Variants in ZNF777 observed in about 807,000 individuals in gnomAD.
ZNF777 encodes the protein zinc finger protein 777.
A neutral mutation model predicts 72.1 loss-of-function variants in ZNF777; 7 were observed. That is an observed-to-expected ratio of 0.10 (90% CI 0.06 to 0.18). ZNF777 has a LOEUF of 0.18. ZNF777 is among the 10% of genes least tolerant of loss of function. The pLI, the probability that ZNF777 is intolerant of heterozygous loss-of-function variation, is 1.00. For synonymous variants in ZNF777, 545 were observed against 483.5 expected (o/e 1.13, Z -1.67); for missense variants, 828 against 1,128.6 (o/e 0.73, Z 3.82).
intron 4 of ZNF777, among the ~76,000 whole-genome samples, chr7:149,446,006 C>T (rs1799594454): frequency 6.6e-6 from 1 of 152,202 alleles, no homozygotes; most frequent in East Asian, 1.9e-4. Flanking sequence ...TTCAGCTCAC[C>T]ACATCTATCC....
intron 5 of ZNF777, among the ~76,000 whole-genome samples, chr7:149,435,791 G>A (rs1378313349): frequency 6.6e-6 from 1 of 152,008 alleles, no homozygotes; most frequent in Non-Finnish European, 1.5e-5. Context: ...AGCAAAAGCT[G>A]CCCAGTTCAT....
chr7:149,456,453 G>A (rs1486304380), intron 1 of ZNF777, among the ~76,000 whole-genome samples: 2 of 152,142 alleles, frequency 1.3e-5, no homozygotes, highest in Non-Finnish European at 2.9e-5. Flanking sequence ...TCCATAAAAC[G>A]AGGATAATAA....
rs773934476 is a variant in ZNF777 at position 149,432,492 on chromosome 7, G to A, written c.1780C>T (p.Arg594Cys). Reference sequence around the variant, plus strand: ...CAGCCTCCGCGCACGCGGTGGATGCGCTGGTGCAGCGTGAGCTGTTGCTTG... The same window carrying A: ...CAGCCTCCGCGCACGCGGTGGATGCACTGGTGCAGCGTGAGCTGTTGCTTG... ...RHKQQLTLHQRIHRVRGGCVS... is the reference protein window; with the variant it reads ...RHKQQLTLHQCIHRVRGGCVS... The change falls in exon 6 of 6, where the codon CGC becomes TGC. Residue 594 changes from arginine to cysteine, a missense_variant. Around this residue, in one of 12 missense-constraint regions of ZNF777, gnomAD observed 100 missense variants for 106.2 expected, o/e 0.94. Coordinates refer to ENST00000247930, the MANE Select transcript of ZNF777 (RefSeq NM_015694.3). 2.5e-6 allele frequency: 4 copies of A among 1,613,700 alleles called. No homozygotes were observed. Among genetic ancestry groups the A allele is most frequent in the East Asian group, 2.2e-5 (1 of 44,870 alleles).
chr7:149,452,642 A>AT (rs991440403), intron 3 of ZNF777, among the ~76,000 whole-genome samples: 17 of 151,962 alleles, frequency 1.1e-4, no homozygotes, highest in African/African-American at 3.9e-4. Flanking sequence ...CAAAAAAAAA[A>AT]AAAAAAAGTA....
intron 1 of ZNF777, among the ~76,000 whole-genome samples, chr7:149,458,804 G>T (rs1230760147): frequency 6.6e-6 from 1 of 152,198 alleles, no homozygotes; most frequent in Admixed American, 6.5e-5. Flanking sequence ...CCAAAGAGAG[G>T]GAGGGAGCTG....
Position 149,455,113 on chromosome 7 carries a change from C to T in ZNF777, c.846+64G>A. The T allele has an allele frequency of 6.5e-7, 1 of 1,530,390 alleles. No homozygotes were observed. The highest frequency in any genetic ancestry group is 8.8e-7 in the Non-Finnish European group (1 of 1,141,092). The allele number at this position is 1,530,390 out of a possible 1,614,324, so 94.8% of individuals were successfully genotyped here. On this transcript the variant is annotated intron_variant, in intron 2 of 5. Coordinates refer to ENST00000247930, the MANE Select transcript of ZNF777 (RefSeq NM_015694.3). This position sits in a 1 kb window ranked among gnomAD's most constrained non-coding sequence, Gnocchi z 4.2. ...CACCCCTTTCTTTCATATTACACTA[C>T]ATTCCTAAACCACACTCCAATTCAG...
chr7:149,457,581 TTTTTC>T (rs1799858191), intron 1 of ZNF777, among the ~76,000 whole-genome samples: 1 of 152,204 alleles, frequency 6.6e-6, no homozygotes, highest in Admixed American at 6.5e-5. Flanking sequence ...TTCTACAGCT[TTTTTC>T]TTTTATTGGT....
chr7:149,442,141 C>T (rs529301682), intron 4 of ZNF777, among the ~76,000 whole-genome samples: 25 of 148,820 alleles, frequency 1.7e-4, no homozygotes, highest in African/African-American at 5.5e-4. Context: ...CGCTTGAACC[C>T]GGGAGGCGGA....
chr7:149,454,182 T>A lies in ZNF777; in HGVS notation c.902A>T (p.Asn301Ile). 1 of 1,613,994 alleles carries A rather than the reference T, an allele frequency of 6.2e-7. No individual in the cohort carries two copies. Among genetic ancestry groups the A allele is most frequent in the Non-Finnish European group, 8.5e-7 (1 of 1,179,982 alleles). ...GAGCTCCTTCTGCCACTCAGACAGGTTTCCCCACTCCTGCTCCGAGAAGTG... is the reference window on the plus strand; with the variant it reads ...GAGCTCCTTCTGCCACTCAGACAGGATTCCCCACTCCTGCTCCGAGAAGTG... ...AVHFSEQEWG[N>I]LSEWQKELYK... Residue 301 changes from asparagine (N) to isoleucine (I), a missense_variant, in exon 3 of 6, where the codon AAC becomes ATC. Around this residue, in one of 12 missense-constraint regions of ZNF777, gnomAD observed 73 missense variants for 90.6 expected, o/e 0.81. Transcript: ENST00000247930.
intron 4 of ZNF777, among the ~76,000 whole-genome samples, chr7:149,442,671 T>C (rs1354691472): frequency 6.6e-6 from 1 of 151,104 alleles, no homozygotes; most frequent in African/African-American, 2.4e-5. Flanking sequence ...ACATACATAC[T>C]GTTAGACAAG....
In ZNF777 at chr7:149,432,775, G is replaced by A. The variant is rs748102455; in HGVS notation, c.1497C>T (p.Gly499=). ...GCTGCAGGGGCGGGGGGCTCTCCTC[G>A]CCCTCGGGGGACATCTCCCCGGGCA... The part of the protein sequence containing the change: ...TPLPGEMSPE[G]EESPPPLQLG... Residue 499 remains glycine (G), a synonymous_variant, in exon 6 of 6, where the codon GGC becomes GGT. Transcript: ENST00000247930. 5.0e-6 allele frequency: 8 copies of A among 1,609,256 alleles called. No individual in the cohort carries two copies. The African/African-American group carries it at 6.7e-5, about 13-fold the overall frequency.
rs780756228 is a variant in ZNF777, at chr7:149,455,647, C to T, written c.376G>A (p.Glu126Lys). 2.6e-6 allele frequency: 4 copies of T among 1,551,932 alleles called. No individual in the cohort carries two copies. The South Asian group carries it at 4.8e-5, about 18-fold the overall frequency. Residue 126 changes from glutamate to lysine, a missense_variant, in exon 2 of 6, where the codon GAA becomes AAA. Physicochemically the swap from Glu to Lys is moderately conservative, Grantham distance 56. Coordinates refer to ENST00000247930, the MANE Select transcript of ZNF777 (RefSeq NM_015694.3). This position sits in a 1 kb window ranked among gnomAD's most constrained non-coding sequence, Gnocchi z 4.2. ...SLLSHSPHHQEAPVHSPEAPE... is the reference protein window; with the variant it reads ...SLLSHSPHHQKAPVHSPEAPE... ...GCTTCAGGGGAGTGAACGGGGGCTT[C>T]CTGGTGGTGGGGGGAGTGGGAGAGA...
chr7:149,447,606 G>A lies in ZNF777; in HGVS notation c.1087+3393C>T, dbSNP rs530391297. On this transcript the variant is annotated intron_variant, in intron 4 of 5. Coordinates refer to ENST00000247930, the MANE Select transcript of ZNF777 (RefSeq NM_015694.3). ...ACAACAGCCACTTCTCTCTCAGGGC[G>A]ATGCCAAGGTTTCCTACCTGGAAGA... Among the ~76,000 whole-genome samples the A allele has an allele frequency of 7.9e-5, 12 of 152,286 alleles. No individual in the cohort carries two copies. In the South Asian group the frequency reaches 1.5e-3, roughly 18 times the overall value.
intron 4 of ZNF777, among the ~76,000 whole-genome samples, chr7:149,449,509 C>G (rs777706224): frequency 1.3e-5 from 2 of 152,206 alleles, no homozygotes; most frequent in Non-Finnish European, 2.9e-5. Context: ...TCTATGAGAG[C>G]AGCACCTGAA....
intron 4 of ZNF777, among the ~76,000 whole-genome samples, chr7:149,445,492 G>A (rs1286871813): frequency 6.6e-6 from 1 of 152,112 alleles, no homozygotes; most frequent in African/African-American, 2.4e-5. Flanking sequence ...AGGGTGCTTT[G>A]GCCAAGTCAT....
At position 149,432,597 on chromosome 7, in the gene ZNF777, T is replaced by C; in HGVS notation, c.1675A>G (p.Ile559Val). 1 of 1,609,952 alleles carries C rather than the reference T, an allele frequency of 6.2e-7. No individual in the cohort carries two copies. Among genetic ancestry groups the C allele is most frequent in the Non-Finnish European group, 8.5e-7 (1 of 1,178,464 alleles). ...TTGCGCTGGTGGATGATGAGGTTGA[T>C]CTTCAGGCGGAAGCTCTTGCCGCAC... The part of the protein sequence containing the change: ...MECGKSFRLK[I>V]NLIIHQRNHI... The change falls in exon 6 of 6, where the codon ATC becomes GTC. Residue 559 changes from isoleucine (I) to valine (V), a missense_variant. Around this residue, in one of 12 missense-constraint regions of ZNF777, gnomAD observed 22 missense variants for 48.3 expected, o/e 0.46. Transcript: ENST00000247930.
intron 4 of ZNF777, among the ~76,000 whole-genome samples, chr7:149,449,452 C>G (rs1799675374): frequency 6.6e-6 from 1 of 152,202 alleles, no homozygotes; most frequent in South Asian, 2.1e-4. Flanking sequence ...GAAAAGCAGA[C>G]AGAGAAAGGG....
intron 4 of ZNF777, among the ~76,000 whole-genome samples, chr7:149,439,900 T>C (rs10244057): frequency 0.41 from 62,595 of 152,056 alleles, 13,023 homozygotes; most frequent in African/African-American, 0.48. Context: ...AAATTTTTTC[T>C]AATTAGTTTA....
chr7:149,455,456 C>T lies in ZNF777; in HGVS notation c.567G>A (p.Trp189Ter), dbSNP rs1799806425. The part of the protein sequence containing the change: ...PTAEITRLAV[W>*]AAVQAVERKL... Reference sequence around the variant, plus strand: ...TCCTCTCCACTGCTTGGACGGCAGCCCACACAGCCAAGCGGGTGATCTCTG... The same window carrying T: ...TCCTCTCCACTGCTTGGACGGCAGCTCACACAGCCAAGCGGGTGATCTCTG... Residue 189 changes from tryptophan to a stop codon, truncating the protein, a stop_gained, in exon 2 of 6, where the codon TGG becomes TGA. Coordinates refer to ENST00000247930, the MANE Select transcript of ZNF777 (RefSeq NM_015694.3). LOFTEE classifies it high-confidence loss of function. The surrounding 1 kb of genome is among the most constrained non-coding windows in gnomAD (Gnocchi z 4.2). The T allele has an allele frequency of 6.2e-7, 1 of 1,614,108 alleles. No homozygotes were observed.
Sources: gnomAD v4.1 joint callset for allele counts (sites outside exome capture counted in the v4.1 genomes callset) on GRCh38, gnomAD v4.1.1 for gene constraint, gnomAD v4.1.1 regional missense constraint, Gnocchi (gnomAD v3.1) non-coding constraint, MANE v1.5 for transcripts, NCBI Gene and HGNC (gene_info 2026-07-23, HGNC 2026-07-21) for gene names.